The following AATF variants were observed in gnomAD, a reference collection of about 807,000 sequenced individuals.
AATF encodes protein AATF.
Under a neutral mutation model 63.7 loss-of-function variants are expected in AATF, and 48 were observed. That is an observed-to-expected ratio of 0.75 (90% CI 0.60 to 0.96). The LOEUF (loss-of-function observed/expected upper bound fraction) is 0.96. Ranked by LOEUF, AATF falls within the 40% of genes least tolerant of loss-of-function variation. AATF has a pLI of 0.00. For synonymous variants in AATF, 258 were observed against 247.7 expected (o/e 1.04, Z -0.39); for missense variants, 639 against 685.7 (o/e 0.93, Z 0.76).
At chr17:37,026,968 T>C (rs572627451) in intron 10 of AATF, among the ~76,000 whole-genome samples, 5 of 152,274 alleles carry the variant, frequency 3.3e-5, no homozygotes, top group African/African-American at 1.2e-4. Context: ...CATTGAGCAA[T>C]TTTTGCTCCT....
intron 4 of AATF, among the ~76,000 whole-genome samples, chr17:36,964,206 C>T (rs1387096563): frequency 3.0e-5 from 4 of 131,918 alleles, no homozygotes; most frequent in African/African-American, 1.2e-4. Flanking sequence ...GAAGTATCAG[C>T]GTGTTTGCAT....
In AATF at chr17:36,953,340, G is replaced by A. The variant is rs779632893; in HGVS notation, c.694+44G>A. ...TGATTGCCTGTTTTTCAAAGTATCT[G>A]CATTTGGTCTACTTTTCATTTGTTT... On this transcript the variant is annotated intron_variant, in intron 3 of 11. Coordinates refer to ENST00000619387, the MANE Select transcript of AATF (RefSeq NM_012138.4). 3.8e-6 allele frequency: 6 copies of A among 1,578,914 alleles called. 1 individual carries two copies. The South Asian group carries it at 7.0e-5, about 18-fold the overall frequency.
At chr17:37,012,333 G>A (rs544206356) in intron 8 of AATF, among the ~76,000 whole-genome samples, 173 of 152,268 alleles carry the variant, frequency 1.1e-3, no homozygotes, top group Admixed American at 2.0e-3. Flanking sequence ...GATTATAGGC[G>A]TGAGCCACCA....
intron 10 of AATF, among the ~76,000 whole-genome samples, chr17:37,022,585 G>A (rs2071480938): frequency 6.6e-6 from 1 of 151,860 alleles, no homozygotes; most frequent in South Asian, 2.1e-4. Flanking sequence ...CATTTTTAGA[G>A]GTGAAGAGCA....
intron 8 of AATF, among the ~76,000 whole-genome samples, chr17:36,995,367 A>G (rs1567977164): frequency 6.6e-6 from 1 of 152,230 alleles, no homozygotes; most frequent in Non-Finnish European, 1.5e-5. Flanking sequence ...AAAGTCGATA[A>G]TGTTGAGAAA....
intron 10 of AATF, among the ~76,000 whole-genome samples, chr17:37,027,399 C>G (rs899651471): frequency 6.6e-6 from 1 of 151,672 alleles, no homozygotes; most frequent in Non-Finnish European, 1.5e-5. Context: ...GCAGTGGCAC[C>G]GAGACTAGAT....
chr17:36,972,036 C>T (rs1456140593), intron 4 of AATF, among the ~76,000 whole-genome samples: 2 of 152,064 alleles, frequency 1.3e-5, no homozygotes, highest in Non-Finnish European at 2.9e-5. Context: ...TTCAGCCTGG[C>T]TTGATTGTTG....
At chr17:36,986,445 T>C (rs1003139482) in intron 4 of AATF, among the ~76,000 whole-genome samples, 172 bp from the exon 5 acceptor site, 2 of 152,218 alleles carry the variant, frequency 1.3e-5, no homozygotes, top group Non-Finnish European at 2.9e-5. Flanking sequence ...GTAGGCAACG[T>C]TGTTATTTCC....
At chr17:36,952,851 C>A in intron 2 of AATF, 35 bp from the exon 3 acceptor site, 1 of 1,595,818 alleles carries the variant, frequency 6.3e-7, no homozygotes, top group South Asian at 1.1e-5. Flanking sequence ...CCAGGTAATA[C>A]CCATTTTTCT....
rs373291585 is a variant in AATF, at chr17:37,022,201, T to C, written c.1547+1187T>C. The stretch of plus-strand genomic sequence containing the variant: ...AGCCTCAGTGTCAAACTACCTGTAA[T>C]TCAGGTGCACACTGAGAGAAAATCT... On this transcript the variant is annotated intron_variant, in intron 10 of 11. Transcript: ENST00000619387. 4.0e-4 allele frequency among the ~76,000 whole-genome samples: 60 copies of C among 151,840 alleles called. 3 individuals are homozygous for C. The East Asian group carries it at 7.5e-3, about 19-fold the overall frequency.
intron 11 of AATF, among the ~76,000 whole-genome samples, chr17:37,049,289 C>T (rs2071724754): frequency 6.6e-6 from 1 of 152,174 alleles, no homozygotes; most frequent in Admixed American, 6.5e-5. Flanking sequence ...GCTGGTTTCT[C>T]TAAGTATATA....
intron 4 of AATF, among the ~76,000 whole-genome samples, chr17:36,966,022 T>G (rs1373351372): frequency 2.0e-5 from 3 of 152,176 alleles, no homozygotes; most frequent in Non-Finnish European, 2.9e-5. Context: ...GTATGAAGAC[T>G]GGGGTCCTTC....
intron 4 of AATF, among the ~76,000 whole-genome samples, chr17:36,982,757 AT>A (rs1321016128): frequency 6.6e-6 from 1 of 152,222 alleles, no homozygotes; most frequent in Non-Finnish European, 1.5e-5. Context: ...CATTAAGGAC[AT>A]TCACATTGTT....
intron 4 of AATF, among the ~76,000 whole-genome samples, chr17:36,965,910 G>A (rs892711367): frequency 2.0e-5 from 3 of 151,966 alleles, no homozygotes; most frequent in Non-Finnish European, 4.4e-5. Context: ...GTCTTGCAGT[G>A]TTCCCCAGGC....
chr17:36,989,503 G>C, intron 7 of AATF, 92 bp downstream of exon 7: 1 of 1,265,672 alleles, frequency 7.9e-7, no homozygotes, highest in Middle Eastern at 2.5e-4. Flanking sequence ...GTTTATATAA[G>C]AGGTTAGTGA....
rs368180917 is a variant in AATF, at chr17:36,973,344, C to G, written c.833-13273C>G. Among the ~76,000 whole-genome samples, 18 of 152,210 alleles carry G rather than the reference C, an allele frequency of 1.2e-4. 1 individual carries two copies. The East Asian group carries it at 1.4e-3, about 11-fold the overall frequency. On this transcript the variant is annotated intron_variant, in intron 4 of 11. Transcript: ENST00000619387. ...GTCACACAATTGGTGAGAGGCAAAGCCAGTGTAGAAACTGAGGTCTGCTGT... is the reference window on the plus strand; with the variant it reads ...GTCACACAATTGGTGAGAGGCAAAGGCAGTGTAGAAACTGAGGTCTGCTGT...
Position 36,948,997 on chromosome 17 carries a change from C to T in AATF, c.-129C>T, listed in dbSNP as rs2070828806. 3.4e-6 allele frequency: 3 copies of T among 889,214 alleles called. No individual in the cohort carries two copies. Among genetic ancestry groups the T allele is most frequent in the African/African-American group, 1.7e-5 (1 of 59,460 alleles). 55.1% of individuals were successfully genotyped at this position (889,214 alleles called of 1,614,324 possible). On this transcript the variant is annotated 5_prime_UTR_variant, in exon 1 of 12. Transcript: ENST00000619387. ...CGGTCCAGAGCTGTGGGGTGGCCTCCGCGCGGTCTCTGGCGGAGTCGGGGA... is the reference window on the plus strand; with the variant it reads ...CGGTCCAGAGCTGTGGGGTGGCCTCTGCGCGGTCTCTGGCGGAGTCGGGGA...
chr17:36,978,073 C>A (rs2071092200), intron 4 of AATF, among the ~76,000 whole-genome samples: 3 of 152,110 alleles, frequency 2.0e-5, no homozygotes, highest in African/African-American at 7.2e-5. Flanking sequence ...GATGTCCCTC[C>A]ACAGAACTCA....
intron 8 of AATF, among the ~76,000 whole-genome samples, chr17:37,018,058 T>A (rs917926074): frequency 6.6e-6 from 1 of 152,264 alleles, no homozygotes; most frequent in Non-Finnish European, 1.5e-5. Flanking sequence ...TCTTAGCGTC[T>A]TCTCTTAAAT....
Sources: allele counts gnomAD v4.1 joint callset (sites outside exome capture counted in the v4.1 genomes callset), GRCh38; gene constraint gnomAD v4.1.1; transcripts MANE v1.5; gene names NCBI Gene and HGNC (gene_info 2026-07-23, HGNC 2026-07-21).